TNRC6C: variants seen among roughly 807,000 people sequenced by gnomAD.
TNRC6C encodes trinucleotide repeat-containing gene 6C protein.
In TNRC6C, 20 loss-of-function variants were observed where a neutral mutation model predicts 153.7. That is an observed-to-expected ratio of 0.13 (90% CI 0.09 to 0.19). The LOEUF (loss-of-function observed/expected upper bound fraction) is 0.19, where lower values mean the gene tolerates loss of function less well. Ranked by LOEUF, TNRC6C falls within the 10% of genes least tolerant of loss-of-function variation. The pLI is 1.00. For missense variants in TNRC6C, 1,987 were observed against 2,172.0 expected (o/e 0.91, Z 1.69); for synonymous variants, 811 against 841.4 (o/e 0.96, Z 0.63).
At chr17:77,983,055 A>G (rs778943207) in intron 1 of TNRC6C, among the ~76,000 whole-genome samples, 1 of 152,222 alleles carries the variant, frequency 6.6e-6, no homozygotes, top group Non-Finnish European at 1.5e-5. Context: ...TATTTCTTCT[A>G]TTATACACAA....
intron 16 of TNRC6C, among the ~76,000 whole-genome samples, 195 bp from the exon 19 acceptor site, chr17:78,097,550 T>C (rs1305040698): frequency 6.6e-6 from 1 of 152,212 alleles, no homozygotes; most frequent in Non-Finnish European, 1.5e-5. Flanking sequence ...CAGGCCTCCC[T>C]GAGTGGGTAC....
chr17:77,978,977 A>G (rs1181114545), intron 1 of TNRC6C, among the ~76,000 whole-genome samples: 3 of 152,214 alleles, frequency 2.0e-5, no homozygotes, highest in South Asian at 4.1e-4. Context: ...CTATCTCCAC[A>G]GTTTTGTGCA....
intron 14 of TNRC6C, among the ~76,000 whole-genome samples, chr17:78,092,370 G>C (rs4789533): frequency 0.12 from 17,695 of 152,194 alleles, 1,270 homozygotes; most frequent in African/African-American, 0.19. Flanking sequence ...AACATCCACT[G>C]TGTTCTTCCG....
intron 1 of TNRC6C, among the ~76,000 whole-genome samples, chr17:77,987,838 C>T (rs1386648083): frequency 6.6e-6 from 1 of 152,074 alleles, no homozygotes; most frequent in Non-Finnish European, 1.5e-5. Context: ...CACCACCATG[C>T]CTGGCTAATT....
intron 11 of TNRC6C, among the ~76,000 whole-genome samples, chr17:78,083,548 T>C (rs1452521003): frequency 1.3e-5 from 2 of 152,220 alleles, no homozygotes; most frequent in Non-Finnish European, 2.9e-5. Context: ...CCAGATTTTA[T>C]AATTAGGCAT....
At chr17:78,062,005 C>T (rs1338784012) in intron 3 of TNRC6C, among the ~76,000 whole-genome samples, 3 of 152,092 alleles carry the variant, frequency 2.0e-5, no homozygotes, top group Non-Finnish European at 1.5e-5. Context: ...TATTTAATTA[C>T]CTACAGTAAA....
At chr17:78,101,776 T>A (rs1475134619) in intron 17 of TNRC6C, among the ~76,000 whole-genome samples, 1 of 152,162 alleles carries the variant, frequency 6.6e-6, no homozygotes, top group Non-Finnish European at 1.5e-5. Context: ...CGTGCTACTG[T>A]TTGTGGTTTA....
intron 1 of TNRC6C, among the ~76,000 whole-genome samples, chr17:77,975,701 A>G (rs1453005984): frequency 6.6e-6 from 1 of 152,240 alleles, no homozygotes; most frequent in Non-Finnish European, 1.5e-5. Flanking sequence ...CAACAACAGA[A>G]GTGGAAACTA....
intron 1 of TNRC6C, among the ~76,000 whole-genome samples, chr17:78,028,089 A>G (rs60249275): frequency 0.45 from 69,000 of 151,790 alleles, 16,332 homozygotes; most frequent in Non-Finnish European, 0.52. Context: ...TAGTAGAGAC[A>G]GGGTTTCACC....
chr17:78,104,363 G>A lies in TNRC6C; in HGVS notation c.4713-122G>A. 1.5e-6 allele frequency: 2 copies of A among 1,346,238 alleles called. No homozygotes were observed. Among genetic ancestry groups the A allele is most frequent in the South Asian group, 1.7e-5 (1 of 59,742 alleles). 83.4% of individuals were successfully genotyped at this position (1,346,238 alleles called of 1,614,324 possible). A position where few individuals can be genotyped will look rare whatever the true frequency, so the allele number is the denominator to read the frequency against. On this transcript the variant is annotated intron_variant, in intron 19 of 19. Coordinates refer to ENST00000301624, the Ensembl canonical transcript of TNRC6C. This position sits in a 1 kb window ranked among gnomAD's most constrained non-coding sequence, Gnocchi z 6.2. ...CAGTCTGGGTTTGGAAATAGCAGTGGCAAAACAGAAGCCACAGGATGGCTT... is the reference window on the plus strand; with the variant it reads ...CAGTCTGGGTTTGGAAATAGCAGTGACAAAACAGAAGCCACAGGATGGCTT...
chr17:78,087,362 C>A (rs1005587483), intron 13 of TNRC6C, among the ~76,000 whole-genome samples: 5 of 152,158 alleles, frequency 3.3e-5, no homozygotes, highest in African/African-American at 1.2e-4. Context: ...AAGCAATCCT[C>A]CCACCTCAGC....
At chr17:77,988,684 T>C (rs918422869) in intron 1 of TNRC6C, among the ~76,000 whole-genome samples, 1 of 152,246 alleles carries the variant, frequency 6.6e-6, no homozygotes, top group Non-Finnish European at 1.5e-5. Context: ...TATGCAGTTG[T>C]TTCTTTCAGT....
At chr17:78,005,117 G>A (rs572361662) in intron 1 of TNRC6C, 38 bp downstream of exon 3, 8 of 1,221,418 alleles carry the variant, frequency 6.5e-6, no homozygotes, top group South Asian at 8.3e-5. Flanking sequence ...CATTTATGGC[G>A]GTACCAAAAT....
chr17:78,108,428 G>C (rs2073747289), exon 20 of TNRC6C: 1 of 154,878 alleles, frequency 6.5e-6, no homozygotes, highest in African/African-American at 2.4e-5. Context: ...GCAACCCTCA[G>C]CTCTGCGCGG....
chr17:78,056,765 C>G (rs984600302), intron 3 of TNRC6C, among the ~76,000 whole-genome samples: 5 of 152,088 alleles, frequency 3.3e-5, no homozygotes, highest in Non-Finnish European at 7.3e-5. Context: ...ACGCCTGGCC[C>G]AGAAACTACT....
At chr17:78,102,830 C>G (rs1042447168) in intron 18 of TNRC6C, 19 of 408,058 alleles carry the variant, frequency 4.7e-5, no homozygotes, top group Middle Eastern at 6.8e-4. Context: ...TATTTTACAA[C>G]TAGCCATTCA....
At chr17:78,103,326 A>T (rs2073631141) in intron 18 of TNRC6C, 88 bp from the exon 22 acceptor site, 3 of 1,491,260 alleles carry the variant, frequency 2.0e-6, no homozygotes, top group Admixed American at 3.9e-5. Context: ...TGTTTAGTGT[A>T]TCCAATTTCA....
chr17:78,018,930 G>T (rs1386122202), intron 1 of TNRC6C, among the ~76,000 whole-genome samples: 1 of 152,198 alleles, frequency 6.6e-6, no homozygotes. Context: ...TGTTAGGTTA[G>T]TAAGAGGAAT....
At position 78,049,504 on chromosome 17, in the gene TNRC6C, T is replaced by G; in HGVS notation, c.442T>G (p.Leu148Val). The change falls in exon 3 of 20, where the codon TTA becomes GTA. Residue 148 changes from leucine (L) to valine (V), a missense_variant. By Grantham distance (32) the Leu-to-Val change is conservative (BLOSUM62 1). Transcript: ENST00000301624. The surrounding 1 kb of genome is among the most constrained non-coding windows in gnomAD (Gnocchi z 4.1). Reference sequence around the variant, plus strand: ...CCAGAACGGGAACCCAACAGGCACTTTAGGTGCTTGGGGAAACTTGCTGCC... The same window carrying G: ...CCAGAACGGGAACCCAACAGGCACTGTAGGTGCTTGGGGAAACTTGCTGCC... The G allele has an allele frequency of 1.2e-6, 2 of 1,614,004 alleles. No homozygotes were observed. Among genetic ancestry groups the G allele is most frequent in the Non-Finnish European group, 1.7e-6 (2 of 1,179,900 alleles).
Sources: allele counts gnomAD v4.1 joint callset (sites outside exome capture counted in the v4.1 genomes callset), GRCh38; gene constraint gnomAD v4.1.1; non-coding constraint Gnocchi (gnomAD v3.1); transcripts MANE v1.5; gene names NCBI Gene and HGNC (gene_info 2026-07-23, HGNC 2026-07-21).